Variants in SH3GLB2 observed in about 807,000 individuals in gnomAD.
The protein encoded by SH3GLB2 is endophilin-B2.
In SH3GLB2, 24 loss-of-function variants were observed where a neutral mutation model predicts 48.0. That is an observed-to-expected ratio of 0.50 (90% CI 0.36 to 0.70). SH3GLB2 has a LOEUF of 0.70. Among genes scored for constraint, SH3GLB2 ranks in the 30% least tolerant of loss-of-function variants. The pLI is 0.00. For synonymous variants in SH3GLB2, 227 were observed against 207.6 expected (o/e 1.09, Z -0.80); for missense variants, 425 against 516.0 (o/e 0.82, Z 1.71).
At chr9:129,013,897 T>G (rs1033595420) in intron 5 of SH3GLB2, 1 of 367,670 alleles carries the variant, frequency 2.7e-6, no homozygotes, top group East Asian at 8.0e-5. Flanking sequence ...GAGCTGGGAG[T>G]GAAGGGGGCG....
chr9:129,025,539 C>A (rs1178528025), intron 1 of SH3GLB2, among the ~76,000 whole-genome samples: 1 of 149,010 alleles, frequency 6.7e-6, no homozygotes, highest in African/African-American at 2.5e-5. Context: ...GCACTCCAGC[C>A]TCGGCGACAG....
At chr9:129,026,336 C>T (rs186241007) in intron 1 of SH3GLB2, among the ~76,000 whole-genome samples, 1 of 152,322 alleles carries the variant, frequency 6.6e-6, no homozygotes, top group Admixed American at 6.5e-5. Flanking sequence ...CCCATCCAGG[C>T]CAGCTTGGTC....
rs1022893196 is a variant in SH3GLB2, at chr9:129,011,261, G to A, written c.625-568C>T. On this transcript the variant is annotated intron_variant, in intron 6 of 10. Coordinates refer to ENST00000372564, the MANE Select transcript of SH3GLB2 (RefSeq NM_020145.4). This position sits in a 1 kb window ranked among gnomAD's most constrained non-coding sequence, Gnocchi z 4.5. ...CCCGGCCACGACCAGGAGACCCAGC[G>A]CTCCTGCCGCTTCCGGAGATCTGAC... 4 of 152,702 alleles carry A rather than the reference G, an allele frequency of 2.6e-5. No individual in the cohort carries two copies. The highest frequency in any genetic ancestry group is 7.2e-5 in the African/African-American group (3 of 41,440). 9.5% of individuals were successfully genotyped at this position (152,702 alleles called of 1,614,324 possible). A position where few individuals can be genotyped will look rare whatever the true frequency, so the allele number is the denominator to read the frequency against.
In SH3GLB2 at chr9:129,028,267, C is replaced by T. The variant is rs982961584; in HGVS notation, c.-113G>A. On this transcript the variant is annotated 5_prime_UTR_variant, in exon 1 of 11. Transcript: ENST00000372564. Reference sequence around the variant, plus strand: ...TGCTGCGGGGCACCAGCCCTCCGCGCACCCGCCTGCCGGCCTGCCCGCCTG... The same window carrying T: ...TGCTGCGGGGCACCAGCCCTCCGCGTACCCGCCTGCCGGCCTGCCCGCCTG... The T allele has an allele frequency of 9.0e-6, 6 of 667,156 alleles. No individual in the cohort carries two copies. The highest frequency in any genetic ancestry group is 1.1e-5 in the Non-Finnish European group (6 of 542,284). The allele number at this position is 667,156 out of a possible 1,614,324, so 41.3% of individuals were successfully genotyped here.
chr9:129,012,711 C>T (rs927525857), intron 5 of SH3GLB2: 25 of 507,082 alleles, frequency 4.9e-5, no homozygotes, highest in East Asian at 1.2e-4. Context: ...CCAGAATCCG[C>T]ACACCACATC....
In SH3GLB2 at chr9:129,008,423, A is replaced by G. The variant is rs1355354290; in HGVS notation, c.*261T>C. 1 of 440,700 alleles carries G rather than the reference A, an allele frequency of 2.3e-6. No individual in the cohort carries two copies. The highest frequency in any genetic ancestry group is 2.0e-5 in the African/African-American group (1 of 49,680). 27.3% of individuals were successfully genotyped at this position (440,700 alleles called of 1,614,324 possible). A position where few individuals can be genotyped will look rare whatever the true frequency, so the allele number is the denominator to read the frequency against. On this transcript the variant is annotated 3_prime_UTR_variant, in exon 11 of 11. Coordinates refer to ENST00000372564, the MANE Select transcript of SH3GLB2 (RefSeq NM_020145.4). Reference sequence around the variant, plus strand: ...TGCTGCAGACAGCCCCTCCCTCCTTAGTGGAGCCTGGAGGGTGGGGTGCTC... The same window carrying G: ...TGCTGCAGACAGCCCCTCCCTCCTTGGTGGAGCCTGGAGGGTGGGGTGCTC...
At chr9:129,016,724 CGA>C (rs1281023935) in intron 3 of SH3GLB2, among the ~76,000 whole-genome samples, 7 of 151,778 alleles carry the variant, frequency 4.6e-5, no homozygotes, top group South Asian at 2.1e-4. Context: ...GCAGTAACCA[CGA>C]GAGAGTTAAC....
intron 10 of SH3GLB2, 101 bp from the exon 11 acceptor site, chr9:129,008,892 C>A: frequency 7.7e-7 from 1 of 1,298,560 alleles, no homozygotes. Context: ...TGGCCCGTGG[C>A]ATGTGCTACA....
chr9:129,012,867 G>A, intron 5 of SH3GLB2: 1 of 1,061,728 alleles, frequency 9.4e-7, no homozygotes, highest in Non-Finnish European at 1.4e-6. Flanking sequence ...TAAACCAGAG[G>A]CCCTGCACAG....
chr9:129,010,192 G>A lies in SH3GLB2; in HGVS notation c.666C>T (p.Arg222=), dbSNP rs143260504. 381 of 1,613,942 alleles carry A rather than the reference G, an allele frequency of 2.4e-4. 1 individual carries two copies. The highest frequency in any genetic ancestry group is 3.0e-4 in the Non-Finnish European group (357 of 1,179,972). ...GCCGGTCAAACTCTGTCTGGGCCACGCGGAGCTCCTGCTCGGCCTGGGCAG... is the reference window on the plus strand; with the variant it reads ...GCCGGTCAAACTCTGTCTGGGCCACACGGAGCTCCTGCTCGGCCTGGGCAG... The part of the protein sequence containing the change: ...DEVDKAEQEL[R]VAQTEFDRQA... Residue 222 remains arginine, a synonymous_variant, in exon 8 of 11, where the codon CGC becomes CGT. Coordinates refer to ENST00000372564, the MANE Select transcript of SH3GLB2 (RefSeq NM_020145.4).
chr9:129,028,007 C>G, intron 1 of SH3GLB2, 85 bp downstream of exon 1: 2 of 1,322,774 alleles, frequency 1.5e-6, no homozygotes. Flanking sequence ...GAGGGCTTTC[C>G]CGCGTCCCCA....
intron 1 of SH3GLB2, among the ~76,000 whole-genome samples, chr9:129,024,660 C>T (rs905556176): frequency 1.3e-5 from 2 of 151,480 alleles, no homozygotes; most frequent in East Asian, 3.9e-4. Context: ...TGCAATGAGC[C>T]AATATCATGT....
chr9:129,028,246 G>T lies in SH3GLB2; in HGVS notation c.-92C>A, dbSNP rs2131316600. 1 of 881,692 alleles carries T rather than the reference G, an allele frequency of 1.1e-6. No individual in the cohort carries two copies. The highest frequency in any genetic ancestry group is 1.4e-6 in the Non-Finnish European group (1 of 725,756). The allele number at this position is 881,692 out of a possible 1,614,324, so 54.6% of individuals were successfully genotyped here. A position where few individuals can be genotyped will look rare whatever the true frequency, so the allele number is the denominator to read the frequency against. On this transcript the variant is annotated 5_prime_UTR_variant, in exon 1 of 11. Coordinates refer to ENST00000372564, the MANE Select transcript of SH3GLB2 (RefSeq NM_020145.4). Reference sequence around the variant, plus strand: ...GCCAACCGCACCCCGCCCACCTGCTGCGGGGCACCAGCCCTCCGCGCACCC... The same window carrying T: ...GCCAACCGCACCCCGCCCACCTGCTTCGGGGCACCAGCCCTCCGCGCACCC...
At chr9:129,018,847 G>A (rs1588327525) in intron 3 of SH3GLB2, among the ~76,000 whole-genome samples, 3 of 150,234 alleles carry the variant, frequency 2.0e-5, no homozygotes, top group African/African-American at 7.4e-5. Context: ...AGTCGAGATT[G>A]TGCCACTGCA....
At chr9:129,016,676 T>C (rs577060817) in intron 3 of SH3GLB2, among the ~76,000 whole-genome samples, 1 of 151,682 alleles carries the variant, frequency 6.6e-6, no homozygotes, top group Non-Finnish European at 1.5e-5. Context: ...ACTTTAAATT[T>C]AAAGACATGA....
chr9:129,026,910 CG>C lies in SH3GLB2; in HGVS notation c.63+1181del. ...TTCTCGCTGGGATGCTAATCCTCAG[CG>C]GGACACAGCACCTTCTAGTAAACAT... On this transcript the variant is annotated intron_variant, in intron 1 of 10. Coordinates refer to ENST00000372564, the MANE Select transcript of SH3GLB2 (RefSeq NM_020145.4). Among the ~76,000 whole-genome samples, 2 of 152,278 alleles carry C rather than the reference CG, an allele frequency of 1.3e-5. 1 individual carries two copies. Among genetic ancestry groups the C allele is most frequent in the South Asian group, 4.1e-4 (2 of 4,824 alleles).
chr9:129,015,334 G>A (rs1332397101), intron 3 of SH3GLB2, among the ~76,000 whole-genome samples: 1 of 152,078 alleles, frequency 6.6e-6, no homozygotes, highest in African/African-American at 2.4e-5. Flanking sequence ...TTATCTCTTT[G>A]AAAATAAAAC....
At chr9:129,009,654 C>T in intron 9 of SH3GLB2, 117 bp downstream of exon 9, 1 of 1,362,860 alleles carries the variant, frequency 7.3e-7, no homozygotes, top group Non-Finnish European at 1.0e-6. Flanking sequence ...TGGGTTCCAG[C>T]AGAGCCCTCC....
chr9:129,008,926 C>T, intron 10 of SH3GLB2, 135 bp from the exon 11 acceptor site: 2 of 1,285,412 alleles, frequency 1.6e-6, no homozygotes, highest in South Asian at 2.7e-5. Context: ...GCGCTCATCT[C>T]ACTTGCTCCA....
Sources: gnomAD v4.1 joint callset for allele counts (sites outside exome capture counted in the v4.1 genomes callset) on GRCh38, gnomAD v4.1.1 for gene constraint, Gnocchi (gnomAD v3.1) non-coding constraint, MANE v1.5 for transcripts, NCBI Gene and HGNC (gene_info 2026-07-23, HGNC 2026-07-21) for gene names.